The following ITPR1 variants were observed in gnomAD, a reference collection of about 807,000 sequenced individuals.
ITPR1 encodes the protein inositol 1,4,5-trisphosphate-gated calcium channel ITPR1.
ITPR1 carries 96 observed loss-of-function variants against 318.4 expected under a neutral mutation model. That is an observed-to-expected ratio of 0.30 (90% CI 0.26 to 0.36). The LOEUF (loss-of-function observed/expected upper bound fraction) is 0.36, where lower values mean the gene tolerates loss of function less well. ITPR1 is among the 10% of genes least tolerant of loss of function. The pLI is 1.00. For synonymous variants in ITPR1, 1,312 were observed against 1,289.9 expected, an observed-to-expected ratio of 1.02 and a Z score of -0.37; for missense variants, 2,440 against 3,460.2, an observed-to-expected ratio of 0.71 and a Z score of 7.40.
intron 4 of ITPR1, among the ~76,000 whole-genome samples, chr3:4,627,186 T>C (rs1197037694): frequency 3.9e-5 from 6 of 152,168 alleles, no homozygotes; most frequent in African/African-American, 1.2e-4. Flanking sequence ...AAAAAATACT[T>C]GTATGCATTG....
At chr3:4,843,509 G>A (rs2051526493) in intron 61 of ITPR1, among the ~76,000 whole-genome samples, 1 of 152,172 alleles carries the variant, frequency 6.6e-6, no homozygotes, top group Admixed American at 6.5e-5. Context: ...AGATTCATGG[G>A]ACCTACCCCA....
At position 4,768,416 on chromosome 3, in the gene ITPR1, A is replaced by T. The variant is rs963966580; in HGVS notation, c.5726-95A>T. ...TGCCAACTTTGAACGTCTCTAGGAGATAAAGGAATGTAGGTTTCTGAGTGT... is the reference window on the plus strand; with the variant it reads ...TGCCAACTTTGAACGTCTCTAGGAGTTAAAGGAATGTAGGTTTCTGAGTGT... On this transcript the variant is annotated intron_variant, in intron 45 of 61. Coordinates refer to ENST00000649015, the MANE Select transcript of ITPR1 (RefSeq NM_001378452.1). 11 of 1,375,698 alleles carry T rather than the reference A, an allele frequency of 8.0e-6. No homozygotes were observed. In the Admixed American group the frequency reaches 2.9e-4, roughly 36 times the overall value. The allele number at this position is 1,375,698 out of a possible 1,614,324, so 85.2% of individuals were successfully genotyped here.
chr3:4,667,733 T>G (rs769508783), intron 18 of ITPR1, among the ~76,000 whole-genome samples, 184 bp downstream of exon 18: 1 of 152,184 alleles, frequency 6.6e-6, no homozygotes, highest in Non-Finnish European at 1.5e-5. Context: ...GGGGGTGCAT[T>G]CCTAGCTCCA....
At chr3:4,834,685 C>A (rs959186355) in intron 60 of ITPR1, among the ~76,000 whole-genome samples, 17 of 152,146 alleles carry the variant, frequency 1.1e-4, no homozygotes, top group Non-Finnish European at 1.9e-4. Context: ...GAAGGATTGA[C>A]ACAGGAGAGA....
At chr3:4,788,597 G>C (rs1012049466) in intron 52 of ITPR1, among the ~76,000 whole-genome samples, 1 of 152,168 alleles carries the variant, frequency 6.6e-6, no homozygotes, top group Non-Finnish European at 1.5e-5. Flanking sequence ...TCGTTTTACA[G>C]GCAATGGAAT....
At position 4,710,555 on chromosome 3, in the gene ITPR1, G is replaced by C. The variant is rs1222848967; in HGVS notation, c.4991+82G>C. On this transcript the variant is annotated intron_variant, in intron 38 of 61. Coordinates refer to ENST00000649015, the MANE Select transcript of ITPR1 (RefSeq NM_001378452.1). The surrounding 1 kb of genome is among the most constrained non-coding windows in gnomAD (Gnocchi z 4.2). Reference sequence around the variant, plus strand: ...AGCTTTTGTTCCCGAAGAAGGAGACGTTGTCCTGTTTTTTAACTTTGATGA... The same window carrying C: ...AGCTTTTGTTCCCGAAGAAGGAGACCTTGTCCTGTTTTTTAACTTTGATGA... 1.4e-6 allele frequency: 2 copies of C among 1,389,468 alleles called. No individual in the cohort carries two copies. Among genetic ancestry groups the C allele is most frequent in the Admixed American group, 2.2e-5 (1 of 46,266 alleles). 86.1% of individuals were successfully genotyped at this position (1,389,468 alleles called of 1,614,324 possible). A position where few individuals can be genotyped will look rare whatever the true frequency, so the allele number is the denominator to read the frequency against.
intron 4 of ITPR1, among the ~76,000 whole-genome samples, chr3:4,561,313 A>G (rs2086652403): frequency 6.6e-6 from 1 of 152,170 alleles, no homozygotes; most frequent in South Asian, 2.1e-4. Context: ...CCCATTGTCT[A>G]CCTGTACTGT....
chr3:4,652,402 A>G (rs2093616642), intron 11 of ITPR1, among the ~76,000 whole-genome samples, 184 bp downstream of exon 11: 1 of 152,146 alleles, frequency 6.6e-6, no homozygotes, highest in South Asian at 2.1e-4. Context: ...TGATTACCAC[A>G]TTTTGGTAGG....
At chr3:4,799,901 A>T (rs2048114837) in intron 53 of ITPR1, 1 of 152,546 alleles carries the variant, frequency 6.6e-6, no homozygotes, top group South Asian at 2.1e-4. Flanking sequence ...TTTTAATAGA[A>T]ATTAAGTTTA....
At chr3:4,824,107 C>T (rs999027485) in intron 60 of ITPR1, among the ~76,000 whole-genome samples, 4 of 152,154 alleles carry the variant, frequency 2.6e-5, no homozygotes, top group Non-Finnish European at 1.5e-5. Flanking sequence ...CGTCGACTAA[C>T]GTGGACAGTG....
chr3:4,593,912 T>G (rs561130011), intron 4 of ITPR1, among the ~76,000 whole-genome samples: 1,894 of 152,280 alleles, frequency 0.012, 43 homozygotes, highest in African/African-American at 0.043. Flanking sequence ...GATTTCTGGT[T>G]GGGAAAGGAG....
rs555676207 is a variant in ITPR1, at chr3:4,632,016, G to A, written c.279+4138G>A. Among the ~76,000 whole-genome samples, 8 of 152,318 alleles carry A rather than the reference G, an allele frequency of 5.3e-5. No individual in the cohort carries two copies. The East Asian group carries it at 1.5e-3, about 29-fold the overall frequency. ...CATACAATTGTATGGGATAAATGAT[G>A]GTTCATCCTTGCATAGGATTGTAAC... is the stretch of plus-strand genomic sequence containing the variant. On this transcript the variant is annotated intron_variant, in intron 5 of 61. Coordinates refer to ENST00000649015, the MANE Select transcript of ITPR1 (RefSeq NM_001378452.1).
At chr3:4,560,733 C>T (rs748997938) in intron 4 of ITPR1, among the ~76,000 whole-genome samples, 4 of 152,164 alleles carry the variant, frequency 2.6e-5, no homozygotes, top group Non-Finnish European at 5.9e-5. Flanking sequence ...CATGTAGATA[C>T]AGTAGTTCAG....
intron 30 of ITPR1, among the ~76,000 whole-genome samples, chr3:4,686,502 T>G (rs937317631): frequency 1.3e-5 from 2 of 152,184 alleles, no homozygotes; most frequent in Non-Finnish European, 2.9e-5. Context: ...CTAACCATAG[T>G]GTTGTCTCAT....
intron 4 of ITPR1, among the ~76,000 whole-genome samples, chr3:4,586,603 T>G (rs771101625): frequency 1.1e-4 from 16 of 150,384 alleles, no homozygotes; most frequent in Non-Finnish European, 2.2e-4. Context: ...TTGACCTCCC[T>G]GGCTCAAGCC....
At chr3:4,573,953 T>C (rs1053465374) in intron 4 of ITPR1, among the ~76,000 whole-genome samples, 6 of 152,238 alleles carry the variant, frequency 3.9e-5, no homozygotes, top group Admixed American at 1.3e-4. Flanking sequence ...TGTCTGATAC[T>C]GAAAAGATGC....
At chr3:4,696,689 T>C (rs2125254808) in intron 33 of ITPR1, among the ~76,000 whole-genome samples, 1 of 151,824 alleles carries the variant, frequency 6.6e-6, no homozygotes, top group South Asian at 2.1e-4. Flanking sequence ...TTTTTTTTTT[T>C]TTTGACATTT....
intron 4 of ITPR1, among the ~76,000 whole-genome samples, chr3:4,562,287 A>C (rs922358200): frequency 2.6e-5 from 4 of 152,166 alleles, no homozygotes; most frequent in Admixed American, 2.6e-4. Flanking sequence ...TATTTTTTCT[A>C]AGAAAAATTA....
At chr3:4,627,412 C>T (rs1007905825) in intron 4 of ITPR1, among the ~76,000 whole-genome samples, 4 of 152,034 alleles carry the variant, frequency 2.6e-5, no homozygotes, top group East Asian at 3.9e-4. Flanking sequence ...CGCAGTGAGC[C>T]GAGGTTGTGC....
Sources: gnomAD v4.1 joint callset for allele counts (sites outside exome capture counted in the v4.1 genomes callset) on GRCh38, gnomAD v4.1.1 for gene constraint, Gnocchi (gnomAD v3.1) non-coding constraint, MANE v1.5 for transcripts, NCBI Gene and HGNC (gene_info 2026-07-23, HGNC 2026-07-21) for gene names.